Variants in FKBP9 observed in about 807,000 individuals in gnomAD.
FKBP9 encodes the protein FKBP prolyl isomerase 9, also known as peptidyl-prolyl cis-trans isomerase FKBP9.
In FKBP9, 27 loss-of-function variants were observed where a neutral mutation model predicts 55.6. The ratio of observed to expected loss-of-function variants is 0.49; its 90% confidence interval spans 0.36 to 0.67. The LOEUF (loss-of-function observed/expected upper bound fraction) is 0.67, where lower values mean the gene tolerates loss of function less well. Among genes scored for constraint, FKBP9 ranks in the 30% least tolerant of loss-of-function variants. The pLI is 0.00. For missense variants in FKBP9, 539 were observed against 742.8 expected, an observed-to-expected ratio of 0.73 and a Z score of 3.19; for synonymous variants, 267 against 296.5, an observed-to-expected ratio of 0.90 and a Z score of 1.02.
chr7:32,961,444 G>C (rs1784022448), intron 1 of FKBP9, among the ~76,000 whole-genome samples: 1 of 152,176 alleles, frequency 6.6e-6, no homozygotes, highest in South Asian at 2.1e-4. Context: ...TTTCTGACAA[G>C]TTCCCAGCTG....
chr7:32,986,344 G>C (rs1363873057), intron 5 of FKBP9, among the ~76,000 whole-genome samples: 2 of 152,206 alleles, frequency 1.3e-5, no homozygotes, highest in East Asian at 3.8e-4. Flanking sequence ...TCCCTTTGTC[G>C]GGAGCCCACC....
intron 1 of FKBP9, 118 bp from the exon 2 acceptor site, chr7:32,974,499 G>A: frequency 2.5e-6 from 2 of 787,528 alleles, no homozygotes; most frequent in African/African-American, 1.7e-5. Context: ...TCCTAGGCAG[G>A]GTTTTTGCTT....
At chr7:33,002,920 A>G (rs1784960564) in intron 9 of FKBP9, 81 bp downstream of exon 9, 3 of 1,434,234 alleles carry the variant, frequency 2.1e-6, no homozygotes, top group Non-Finnish European at 2.9e-6. Context: ...TTCTGAAGGT[A>G]AGGACTTCTA....
intron 6 of FKBP9, chr7:32,993,009 G>T (rs2953586): frequency 4.3e-6 from 1 of 231,950 alleles, no homozygotes; most frequent in South Asian, 1.8e-4. Flanking sequence ...GAATTCTTGT[G>T]CCTGGAATCC....
chr7:32,959,130 G>T (rs1783965310), intron 1 of FKBP9, among the ~76,000 whole-genome samples: 1 of 152,090 alleles, frequency 6.6e-6, no homozygotes, highest in South Asian at 2.1e-4. Context: ...AACAGGCCGG[G>T]CGCGGTGGCT....
At chr7:32,957,939 C>T (rs1441251496) in intron 1 of FKBP9, 145 bp downstream of exon 1, 6 of 657,524 alleles carry the variant, frequency 9.1e-6, no homozygotes, top group South Asian at 2.9e-5. Flanking sequence ...TCCTCCCGGA[C>T]CCCAGACCCT....
chr7:32,970,764 T>C (rs955903127), intron 1 of FKBP9, among the ~76,000 whole-genome samples: 5 of 152,012 alleles, frequency 3.3e-5, no homozygotes, highest in African/African-American at 4.8e-5. Context: ...TGTTTATTAG[T>C]TTTAACAGCT....
intron 1 of FKBP9, chr7:32,963,490 G>C (rs187567372): frequency 1.7e-6 from 1 of 587,664 alleles, no homozygotes; most frequent in East Asian, 3.4e-5. Flanking sequence ...CTAGAGATCA[G>C]CCTCATTGGG....
intron 7 of FKBP9, among the ~76,000 whole-genome samples, chr7:32,999,773 C>T (rs371089310): frequency 1.2e-4 from 19 of 152,198 alleles, no homozygotes; most frequent in African/African-American, 4.6e-4. Context: ...GACAGAGTCT[C>T]ACTCTGTCTC....
chr7:33,005,413 C>G lies in FKBP9; in HGVS notation c.*62C>G. 1 of 1,584,786 alleles carries G rather than the reference C, an allele frequency of 6.3e-7. No individual in the cohort carries two copies. Among genetic ancestry groups the G allele is most frequent in the African/African-American group, 1.3e-5 (1 of 74,568 alleles). On this transcript the variant is annotated 3_prime_UTR_variant, in exon 10 of 10. Coordinates refer to ENST00000242209, the MANE Select transcript of FKBP9 (RefSeq NM_007270.5). Reference sequence around the variant, plus strand: ...ACACCAAGCCACCTGTGTGGCAAGACGTGCAGTGAGGGTGCAAGGGTCTCT... The same window carrying G: ...ACACCAAGCCACCTGTGTGGCAAGAGGTGCAGTGAGGGTGCAAGGGTCTCT...
intron 7 of FKBP9, among the ~76,000 whole-genome samples, chr7:32,996,798 T>TC (rs1784807346): frequency 8.3e-6 from 1 of 120,280 alleles, no homozygotes; most frequent in Non-Finnish European, 1.7e-5. Context: ...TTTTTTTTTT[T>TC]TTTTTTTGAG....
chr7:33,005,999 G>A lies in FKBP9; in HGVS notation c.*648G>A. The A allele has an allele frequency of 4.4e-6, 1 of 224,812 alleles. No individual in the cohort carries two copies. The highest frequency in any genetic ancestry group is 8.8e-6 in the Non-Finnish European group (1 of 113,264). 13.9% of individuals were successfully genotyped at this position (224,812 alleles called of 1,614,324 possible). A position where few individuals can be genotyped will look rare whatever the true frequency, so the allele number is the denominator to read the frequency against. On this transcript the variant is annotated 3_prime_UTR_variant, in exon 10 of 10. Coordinates refer to ENST00000242209, the MANE Select transcript of FKBP9 (RefSeq NM_007270.5). ...GGAGGTTAAAAGAGCCTTTTGGACA[G>A]AAAACTGGGCCAGGAAAAGGCATCT...
chr7:32,967,042 G>T (rs1203498891), intron 1 of FKBP9, among the ~76,000 whole-genome samples: 1 of 152,118 alleles, frequency 6.6e-6, no homozygotes. Flanking sequence ...CTTCCTGTCT[G>T]TAGGGTCACC....
chr7:32,960,943 T>C (rs936484770), intron 1 of FKBP9, among the ~76,000 whole-genome samples: 12 of 152,242 alleles, frequency 7.9e-5, no homozygotes, highest in African/African-American at 1.9e-4. Flanking sequence ...GTGAGGTAGG[T>C]ACCTCATTAC....
chr7:32,991,602 A>C (rs1250637901), intron 6 of FKBP9, among the ~76,000 whole-genome samples: 1 of 151,554 alleles, frequency 6.6e-6, no homozygotes, highest in Non-Finnish European at 1.5e-5. Flanking sequence ...GTGTGCTCTC[A>C]GCCTCTATCA....
intron 8 of FKBP9, among the ~76,000 whole-genome samples, chr7:33,000,784 A>AT (rs762722771): frequency 2.6e-4 from 27 of 102,490 alleles, no homozygotes; most frequent in Non-Finnish European, 4.8e-4. Flanking sequence ...GGATTCAATA[A>AT]CTTTTTTTTT....
Position 32,980,424 on chromosome 7 carries a change from A to G in FKBP9, c.764A>G (p.Asn255Ser). The G allele has an allele frequency of 6.2e-7, 1 of 1,613,650 alleles. No individual in the cohort carries two copies. Among genetic ancestry groups the G allele is most frequent in the South Asian group, 1.1e-5 (1 of 91,034 alleles). ...GATGTTGCATTATTGGACCTCCATA[A>G]CCCCAAGGACAGCATTTCCATTGAG... is the stretch of plus-strand genomic sequence containing the variant. ...VFDVALLDLH[N>S]PKDSISIENK... Residue 255 changes from asparagine (N) to serine (S), a missense_variant, in exon 5 of 10, where the codon AAC (asparagine) becomes AGC (serine). By Grantham distance (46) the Asn-to-Ser change is conservative. Around this residue, in one of 4 missense-constraint regions of FKBP9, gnomAD observed 172 missense variants for 205.3 expected, o/e 0.84. Transcript: ENST00000242209.
intron 7 of FKBP9, among the ~76,000 whole-genome samples, chr7:32,997,931 C>G (rs1300834590): frequency 6.6e-6 from 1 of 152,212 alleles, no homozygotes; most frequent in Admixed American, 6.5e-5. Flanking sequence ...TTCAACAACT[C>G]TAAAGAGCGT....
chr7:32,979,654 T>C, intron 4 of FKBP9: 1 of 1,082,142 alleles, frequency 9.2e-7, no homozygotes, highest in South Asian at 1.3e-5. Flanking sequence ...AGTTATTTAT[T>C]GGTTGATGTT....
Sources: gnomAD v4.1 joint callset for allele counts (sites outside exome capture counted in the v4.1 genomes callset) on GRCh38, gnomAD v4.1.1 for gene constraint, gnomAD v4.1.1 regional missense constraint, MANE v1.5 for transcripts, NCBI Gene and HGNC (gene_info 2026-07-23, HGNC 2026-07-21) for gene names.